Variants in CDH18 observed in about 807,000 individuals in gnomAD.
The protein encoded by CDH18 is cadherin-18.
In CDH18, 31 loss-of-function variants were observed where a neutral mutation model predicts 67.9. The observed-to-expected ratio is 0.46, with a 90% CI of 0.34 to 0.62. The LOEUF is 0.62. CDH18 is among the 20% of genes least tolerant of loss of function. CDH18 has a pLI of 0.01. For missense variants in CDH18, 890 were observed against 975.5 expected (o/e 0.91, Z 1.17); for synonymous variants, 362 against 347.2 (o/e 1.04, Z -0.48).
At chr5:19,686,513 G>A (rs569893041) in intron 5 of CDH18, among the ~76,000 whole-genome samples, 75 of 152,210 alleles carry the variant, frequency 4.9e-4, no homozygotes, top group Non-Finnish European at 8.8e-4. Context: ...GATAGCCAGC[G>A]TAGATGTTTA....
At chr5:20,528,542 A>C (rs1424573830) in intron 1 of CDH18, among the ~76,000 whole-genome samples, 1 of 152,118 alleles carries the variant, frequency 6.6e-6, no homozygotes, top group African/African-American at 2.4e-5. Context: ...AACTGAAGTC[A>C]TAACAAACTG....
chr5:20,161,239 A>G (rs1735867429), intron 2 of CDH18, among the ~76,000 whole-genome samples: 1 of 152,194 alleles, frequency 6.6e-6, no homozygotes, highest in African/African-American at 2.4e-5. Context: ...ATTCCCCTAG[A>G]TGCCTGGCTG....
At chr5:20,104,173 A>G (rs538387720) in intron 2 of CDH18, among the ~76,000 whole-genome samples, 2 of 151,324 alleles carry the variant, frequency 1.3e-5, no homozygotes, top group South Asian at 4.2e-4. Flanking sequence ...ATTGATAGAT[A>G]TATTTAAATC....
intron 4 of CDH18, among the ~76,000 whole-genome samples, chr5:19,726,999 G>A (rs906684785): frequency 2.0e-5 from 3 of 152,090 alleles, no homozygotes; most frequent in Non-Finnish European, 2.9e-5. Flanking sequence ...CCATCATCAT[G>A]GAATCTTCTT....
intron 2 of CDH18, among the ~76,000 whole-genome samples, chr5:20,131,806 T>C (rs961863153): frequency 6.6e-6 from 1 of 152,226 alleles, no homozygotes; most frequent in African/African-American, 2.4e-5. Flanking sequence ...TTTTCAAAAC[T>C]TGGGTCTATT....
chr5:19,909,997 C>A (rs1242870243), intron 2 of CDH18, among the ~76,000 whole-genome samples: 1 of 152,064 alleles, frequency 6.6e-6, no homozygotes, highest in African/African-American at 2.4e-5. Context: ...TCTGTGAGTT[C>A]ATTCTTGCCG....
chr5:19,490,394 G>GTGTTTTTT (rs1741227055), intron 11 of CDH18, among the ~76,000 whole-genome samples: 1 of 60,210 alleles, frequency 1.7e-5, no homozygotes, highest in Non-Finnish European at 3.0e-5. Context: ...ATAAAAATCT[G>GTGTTTTTT]TTTTTTTTTT....
chr5:19,609,731 A>G (rs1748640879), intron 6 of CDH18, among the ~76,000 whole-genome samples: 1 of 152,058 alleles, frequency 6.6e-6, no homozygotes, highest in Non-Finnish European at 1.5e-5. Context: ...TGTAAGAAAT[A>G]TAACTGTCTC....
rs188024929 is a variant in CDH18, at chr5:20,324,263, C to T, written c.-579-68758G>A. 4.2e-3 allele frequency among the ~76,000 whole-genome samples: 641 copies of T among 152,088 alleles called. 10 individuals carry two copies. Among genetic ancestry groups the T allele is most frequent in the South Asian group, 0.011 (51 of 4,818 alleles). ...TCATTTGTAGGGGGAAGGCCGGGCG[C>T]GGTGGGTGGCTCACGCCTATAATCC... On this transcript the variant is annotated intron_variant, in intron 1 of 14. Coordinates refer to the CDH18 transcript ENST00000507958.
At chr5:19,975,552 T>C (rs894217591) in intron 2 of CDH18, among the ~76,000 whole-genome samples, 15 of 152,156 alleles carry the variant, frequency 9.9e-5, no homozygotes, top group Admixed American at 4.6e-4. Context: ...ACGATTTGAT[T>C]TGAGGCAATT....
At chr5:20,342,104 A>G (rs1202694654) in intron 1 of CDH18, among the ~76,000 whole-genome samples, 2 of 152,092 alleles carry the variant, frequency 1.3e-5, no homozygotes, top group African/African-American at 2.4e-5. Context: ...GGAAAAACAA[A>G]CATAAGATTT....
chr5:20,179,657 G>C (rs949042239), intron 2 of CDH18, among the ~76,000 whole-genome samples: 1 of 152,144 alleles, frequency 6.6e-6, no homozygotes, highest in East Asian at 1.9e-4. Flanking sequence ...ACTGGTAAGG[G>C]AATAAACCAA....
chr5:20,388,413 A>G (rs1362518352), intron 1 of CDH18, among the ~76,000 whole-genome samples: 1 of 145,946 alleles, frequency 6.9e-6, no homozygotes, highest in Non-Finnish European at 1.5e-5. Flanking sequence ...CGGTGGTGAT[A>G]TCCCCTTTAT....
chr5:20,095,530 G>A (rs1745902619), intron 2 of CDH18, among the ~76,000 whole-genome samples: 1 of 143,190 alleles, frequency 7.0e-6, no homozygotes, highest in South Asian at 2.2e-4. Context: ...AGGAAGGAAG[G>A]AAGGAAAGAA....
chr5:19,983,028 A>G (rs13157061), intron 1 of CDH18, among the ~76,000 whole-genome samples: 57,243 of 134,074 alleles, frequency 0.43, 14,138 homozygotes, highest in Middle Eastern at 0.61. Flanking sequence ...GCAAGACTCC[A>G]TCTCGAAAAA....
chr5:20,225,421 G>A (rs1741542885), intron 2 of CDH18, among the ~76,000 whole-genome samples: 1 of 152,098 alleles, frequency 6.6e-6, no homozygotes, highest in African/African-American at 2.4e-5. Flanking sequence ...CATAAAGAGA[G>A]TAGATAAAAA....
chr5:19,495,742 A>G (rs1561196208), intron 11 of CDH18, among the ~76,000 whole-genome samples: 2 of 131,526 alleles, frequency 1.5e-5, no homozygotes, highest in African/African-American at 5.9e-5. Context: ...AAAAAAAAAA[A>G]GAAAGAAAGA....
At chr5:19,653,492 C>A (rs1755874452) in intron 5 of CDH18, among the ~76,000 whole-genome samples, 1 of 152,054 alleles carries the variant, frequency 6.6e-6, no homozygotes, top group South Asian at 2.1e-4. Context: ...TTCTGACATT[C>A]CCCACTAGTG....
chr5:19,625,673 T>C (rs561594101), intron 5 of CDH18, among the ~76,000 whole-genome samples: 1 of 152,184 alleles, frequency 6.6e-6, no homozygotes, highest in South Asian at 2.1e-4. Context: ...ATGTTCAAAT[T>C]TCCTTTTTTC....
Sources: allele counts gnomAD v4.1 joint callset (sites outside exome capture counted in the v4.1 genomes callset), GRCh38; gene constraint gnomAD v4.1.1; transcripts MANE v1.5; gene names NCBI Gene and HGNC (gene_info 2026-07-23, HGNC 2026-07-21).